Variants in SLC25A17 observed in about 807,000 individuals in gnomAD.
The protein encoded by SLC25A17 is solute carrier family 25 member 17, also known as peroxisomal membrane protein PMP34.
Under a neutral mutation model 38.5 loss-of-function variants are expected in SLC25A17, and 26 were observed. The observed-to-expected ratio is 0.68, with a 90% confidence interval of 0.50 to 0.94. The LOEUF (loss-of-function observed/expected upper bound fraction) is 0.94. SLC25A17 is among the 40% of genes least tolerant of loss of function. The probability of loss-of-function intolerance (pLI) is 0.00; values close to 1 mark genes in which losing one functional copy is unlikely to be tolerated. For synonymous variants in SLC25A17, 139 were observed against 136.2 expected (o/e 1.02, Z -0.14); for missense variants, 333 against 372.7 (o/e 0.89, Z 0.88).
chr22:40,795,293 C>T (rs910527136), intron 2 of SLC25A17, among the ~76,000 whole-genome samples: 23 of 151,476 alleles, frequency 1.5e-4, no homozygotes, highest in African/African-American at 5.3e-4. Flanking sequence ...GAAAACATTT[C>T]TTCCTTTTTT....
At chr22:40,774,122 C>T (rs999794019) in intron 7 of SLC25A17, 103 bp from the exon 8 acceptor site, 7 of 654,230 alleles carry the variant, frequency 1.1e-5, no homozygotes, top group African/African-American at 1.8e-5. Flanking sequence ...TTATAGCATA[C>T]ATTAATAAAT....
intron 4 of SLC25A17, among the ~76,000 whole-genome samples, chr22:40,783,583 A>T (rs2047272689): frequency 6.6e-6 from 1 of 152,164 alleles, no homozygotes; most frequent in African/African-American, 2.4e-5. Context: ...CCTCCCAAGT[A>T]GCTGGGATTA....
intron 4 of SLC25A17, chr22:40,784,618 A>T (rs1602596966): frequency 9.6e-6 from 2 of 209,260 alleles, no homozygotes; most frequent in South Asian, 5.2e-5. Context: ...TACAAAAAAT[A>T]AAAAAAAATT....
intron 1 of SLC25A17, among the ~76,000 whole-genome samples, chr22:40,809,286 G>A (rs1360045400): frequency 6.6e-6 from 1 of 151,788 alleles, no homozygotes; most frequent in Non-Finnish European, 1.5e-5. Flanking sequence ...GAGGCCAAGA[G>A]TTCAAGACCA....
chr22:40,810,697 T>TA (rs933690608), intron 1 of SLC25A17, among the ~76,000 whole-genome samples: 3 of 152,156 alleles, frequency 2.0e-5, no homozygotes, highest in South Asian at 2.1e-4. Context: ...GCACATAGTT[T>TA]AAAAAATCAC....
At chr22:40,788,039 A>C (rs191672365) in intron 4 of SLC25A17, among the ~76,000 whole-genome samples, 1 of 152,316 alleles carries the variant, frequency 6.6e-6, no homozygotes, top group East Asian at 1.9e-4. Context: ...TACAGGCGTG[A>C]GCCACTGCAC....
At chr22:40,782,727 G>C (rs934785423) in intron 4 of SLC25A17, among the ~76,000 whole-genome samples, 2 of 152,200 alleles carry the variant, frequency 1.3e-5, no homozygotes. Flanking sequence ...AACCTGTCTT[G>C]CCAGATTTAA....
At chr22:40,775,808 C>T (rs1023678802) in intron 7 of SLC25A17, among the ~76,000 whole-genome samples, 1 of 152,210 alleles carries the variant, frequency 6.6e-6, no homozygotes, top group Non-Finnish European at 1.5e-5. Context: ...CTTGTCCTTG[C>T]TGCCGCCATG....
chr22:40,788,678 G>C (rs564328096), intron 4 of SLC25A17: 8 of 187,494 alleles, frequency 4.3e-5, no homozygotes, highest in African/African-American at 7.2e-5. Flanking sequence ...GAGAGAGAGC[G>C]AGACTCCATC....
In SLC25A17 at chr22:40,770,877, G is replaced by A. The variant is rs1044090015; in HGVS notation, c.881C>T (p.Ala294Val). ...MFLVYEKLTA[A>V]TFTVMGLKRA... Reference sequence around the variant, plus strand: ...CTTCAGCCCCATAACTGTGAAGGTGGCAGCTGTCAGTTTCTCATAAACAAG... The same window carrying A: ...CTTCAGCCCCATAACTGTGAAGGTGACAGCTGTCAGTTTCTCATAAACAAG... Residue 294 changes from alanine to valine, a missense_variant, in exon 9 of 9, where the codon GCC (alanine) becomes GTC (valine). By Grantham distance (64) the Ala-to-Val change is moderately conservative. Transcript: ENST00000435456. 3.1e-6 allele frequency: 5 copies of A among 1,613,214 alleles called. No individual in the cohort carries two copies. The highest frequency in any genetic ancestry group is 1.3e-5 in the African/African-American group (1 of 74,890).
rs1311961009 is a variant in SLC25A17, at chr22:40,792,548, T to C, written c.311A>G (p.Asp104Gly). The part of the protein sequence containing the change: ...VKGQHSTTGK[D>G]LVVGFVAGVV... ...ACCTGCAACAAACCCAACTACCAGA[T>C]CTTTTCCAGTGGTAGAATGTTGACC... is the stretch of plus-strand genomic sequence containing the variant. The change falls in exon 4 of 9, where the codon GAT becomes GGT. Residue 104 changes from aspartate (D) to glycine (G), a missense_variant. By Grantham distance (94) the Asp-to-Gly change is moderately conservative. Coordinates refer to ENST00000435456, the MANE Select transcript of SLC25A17 (RefSeq NM_006358.4). 1 of 1,612,686 alleles carries C rather than the reference T, an allele frequency of 6.2e-7. No homozygotes were observed. Among genetic ancestry groups the C allele is most frequent in the South Asian group, 1.1e-5 (1 of 90,782 alleles).
chr22:40,774,100 T>C, intron 7 of SLC25A17, 81 bp from the exon 8 acceptor site: 1 of 809,292 alleles, frequency 1.2e-6, no homozygotes, highest in Non-Finnish European at 2.2e-6. Context: ...GATATTATGT[T>C]GGAGTAGTAT....
At chr22:40,808,086 G>GAC (rs397686586) in intron 1 of SLC25A17, among the ~76,000 whole-genome samples, 4 of 151,306 alleles carry the variant, frequency 2.6e-5, no homozygotes, top group Non-Finnish European at 5.9e-5. Context: ...TTGTGCGAGA[G>GAC]GCATAAAATA....
chr22:40,787,025 A>T (rs2057344391), intron 4 of SLC25A17, among the ~76,000 whole-genome samples: 1 of 152,242 alleles, frequency 6.6e-6, no homozygotes, highest in Non-Finnish European at 1.5e-5. Flanking sequence ...AAAGATGAAG[A>T]AGAATATGCA....
intron 1 of SLC25A17, among the ~76,000 whole-genome samples, chr22:40,799,886 G>T (rs1325327455): frequency 6.6e-6 from 1 of 152,102 alleles, no homozygotes; most frequent in African/African-American, 2.4e-5. Flanking sequence ...AAACTTAGGG[G>T]TTTGCAACCT....
At chr22:40,812,861 A>G (rs761242443) in intron 1 of SLC25A17, among the ~76,000 whole-genome samples, 1 of 152,064 alleles carries the variant, frequency 6.6e-6, no homozygotes, top group Non-Finnish European at 1.5e-5. Flanking sequence ...AGTGAGACTT[A>G]GTCTCAAAAC....
chr22:40,814,773 ATATATATATATATATATTG>A (rs2057619165), intron 1 of SLC25A17, among the ~76,000 whole-genome samples: 1 of 145,378 alleles, frequency 6.9e-6, no homozygotes, highest in South Asian at 2.1e-4. Context: ...ATATATATAT[ATATATATATATATATATTG>A]TTGTTGTTGT....
chr22:40,798,660 TAAAAAAAAAAAAAA>T (rs10640211), intron 2 of SLC25A17, among the ~76,000 whole-genome samples: 2 of 74,378 alleles, frequency 2.7e-5, no homozygotes, highest in Admixed American at 1.7e-4. Flanking sequence ...CACACATACA[TAAAAAAAAAAAAAA>T]AAAAAAAAAG....
chr22:40,773,886 G>T, intron 8 of SLC25A17, 51 bp downstream of exon 8: 2 of 1,270,992 alleles, frequency 1.6e-6, no homozygotes, highest in Non-Finnish European at 2.3e-6. Context: ...CTCCCTGGCA[G>T]AGATGGCTGC....
Sources: allele counts gnomAD v4.1 joint callset (sites outside exome capture counted in the v4.1 genomes callset), GRCh38; gene constraint gnomAD v4.1.1; transcripts MANE v1.5; gene names NCBI Gene and HGNC (gene_info 2026-07-23, HGNC 2026-07-21).